ZBBX: variants seen among roughly 807,000 people sequenced by gnomAD.
ZBBX encodes zinc finger B-box domain containing.
In ZBBX, 101 loss-of-function variants were observed where a neutral mutation model predicts 108.5. The ratio of observed to expected loss-of-function variants is 0.93; its 90% CI spans 0.79 to 1.10. The LOEUF (loss-of-function observed/expected upper bound fraction) is 1.10, where lower values mean the gene tolerates loss of function less well. Ranked by LOEUF, ZBBX falls within the 50% of genes least tolerant of loss-of-function variation. The pLI is 0.00. For synonymous variants in ZBBX, 356 were observed against 323.4 expected (o/e 1.10, Z -1.08); for missense variants, 1,009 against 941.4 (o/e 1.07, Z -0.94).
chr3:167,295,242 CAT>C (rs1291933697), intron 18 of ZBBX, among the ~76,000 whole-genome samples: 14 of 152,122 alleles, frequency 9.2e-5, no homozygotes, highest in Non-Finnish European at 1.0e-4. Context: ...CACATGCACA[CAT>C]ATGTTTATTG....
chr3:167,406,820 C>A (rs191311243), intron 1 of ZBBX, among the ~76,000 whole-genome samples: 43 of 152,224 alleles, frequency 2.8e-4, no homozygotes, highest in African/African-American at 1.0e-3. Context: ...GAGCCAAATC[C>A]TAATTCTATT....
chr3:167,188,799 C>T, the ZBBX span, among the ~76,000 whole-genome samples: 5 of 152,156 alleles, frequency 3.3e-5, no homozygotes, highest in Non-Finnish European at 5.9e-5. Context: ...GAGAGTGTCC[C>T]AGATAAACAA....
intron 20 of ZBBX, among the ~76,000 whole-genome samples, chr3:167,269,763 C>A (rs375998497): frequency 1.3e-5 from 2 of 152,184 alleles, no homozygotes; most frequent in East Asian, 1.9e-4. Context: ...AGCTATCAAC[C>A]AAATAGTACC....
intron 18 of ZBBX, among the ~76,000 whole-genome samples, chr3:167,297,211 G>T (rs754709464): frequency 1.1e-4 from 16 of 151,702 alleles, no homozygotes; most frequent in African/African-American, 1.9e-4. Context: ...TCATTTTTTT[G>T]TGTGTGTGGT....
chr3:167,249,597 G>T (rs889220045), intron 20 of ZBBX, among the ~76,000 whole-genome samples: 1 of 152,136 alleles, frequency 6.6e-6, no homozygotes, highest in Non-Finnish European at 1.5e-5. Flanking sequence ...CCCCTTCTCC[G>T]TATAGGACTT....
At chr3:167,365,129 A>T (rs1745136314) in intron 6 of ZBBX, among the ~76,000 whole-genome samples, 2 of 151,788 alleles carry the variant, frequency 1.3e-5, no homozygotes, top group Admixed American at 6.6e-5. Context: ...TCCCTAAGAT[A>T]GGGAATGACA....
chr3:167,382,498 T>A (rs1747786491), upstream of ZBBX, among the ~76,000 whole-genome samples: 1 of 152,124 alleles, frequency 6.6e-6, no homozygotes. Context: ...GAGACAAGGT[T>A]TGAATACAAG....
At chr3:167,296,323 C>T (rs115871318) in intron 18 of ZBBX, among the ~76,000 whole-genome samples, 1,742 of 152,100 alleles carry the variant, frequency 0.011, 31 homozygotes, top group African/African-American at 0.04. Flanking sequence ...TAGAACATTT[C>T]TAAGATCTAG....
rs1040400221 is a variant in ZBBX, at chr3:167,327,850, G to C, written c.862+92C>G. The C allele has an allele frequency of 1.6e-5, 20 of 1,247,812 alleles. No individual in the cohort carries two copies. In the Admixed American group the frequency reaches 4.3e-4, roughly 27 times the overall value. 77.3% of individuals were successfully genotyped at this position (1,247,812 alleles called of 1,614,324 possible). A position where few individuals can be genotyped will look rare whatever the true frequency, so the allele number is the denominator to read the frequency against. On this transcript the variant is annotated intron_variant, in intron 11 of 21. Transcript: ENST00000675490. Reference sequence around the variant, plus strand: ...AATTACTTGAACCCGGAAGGTGGAGGTTGCAGTAAGCCAAGATCACGCCGC... The same window carrying C: ...AATTACTTGAACCCGGAAGGTGGAGCTTGCAGTAAGCCAAGATCACGCCGC...
chr3:167,227,790 A>G, the ZBBX span, among the ~76,000 whole-genome samples: 2 of 151,694 alleles, frequency 1.3e-5, no homozygotes, highest in African/African-American at 4.8e-5. Flanking sequence ...GTATCCCATT[A>G]TTTCTGAGCC....
At chr3:167,276,368 A>G (rs1045825511) in intron 20 of ZBBX, among the ~76,000 whole-genome samples, 34 of 152,202 alleles carry the variant, frequency 2.2e-4, no homozygotes, top group African/African-American at 8.2e-4. Flanking sequence ...ATGTATAACT[A>G]GAATAACCAA....
the ZBBX span, among the ~76,000 whole-genome samples, chr3:167,187,127 T>A: frequency 6.6e-6 from 1 of 152,172 alleles, no homozygotes; most frequent in Non-Finnish European, 1.5e-5. Flanking sequence ...AGCTTTATTT[T>A]GTTCGGTTTT....
At chr3:167,184,558 G>T in the ZBBX span, among the ~76,000 whole-genome samples, 5 of 152,010 alleles carry the variant, frequency 3.3e-5, no homozygotes, top group East Asian at 9.6e-4. Flanking sequence ...ATATATAATG[G>T]ATGGGCTCAA....
the ZBBX span, among the ~76,000 whole-genome samples, chr3:167,208,153 G>T: frequency 5.9e-5 from 9 of 152,300 alleles, no homozygotes; most frequent in South Asian, 1.7e-3. Flanking sequence ...CATCCCAGTG[G>T]TTGAAACTTA....
At chr3:167,360,180 T>C (rs1326437014) in intron 7 of ZBBX, among the ~76,000 whole-genome samples, 1 of 148,558 alleles carries the variant, frequency 6.7e-6, no homozygotes, top group East Asian at 1.9e-4. Flanking sequence ...TTCTGAATTT[T>C]TTCTACCAAA....
At chr3:167,304,503 G>A (rs1576944899) in intron 17 of ZBBX, among the ~76,000 whole-genome samples, 2 of 152,126 alleles carry the variant, frequency 1.3e-5, no homozygotes, top group African/African-American at 4.8e-5. Context: ...GGGATAAGGT[G>A]TAAGCATGTC....
rs1171064535 is a variant in ZBBX, at chr3:167,298,178, G to A, written c.1879+127C>T. The A allele has an allele frequency of 4.8e-6, 3 of 623,786 alleles. No homozygotes were observed. The African/African-American group carries it at 5.8e-5, about 12-fold the overall frequency. The allele number at this position is 623,786 out of a possible 1,614,324, so 38.6% of individuals were successfully genotyped here. The stretch of plus-strand genomic sequence containing the variant: ...ATAGTAACCTTAAATGTAAATATAT[G>A]GCAACTAATACAAGGTTAATAATTT... On this transcript the variant is annotated intron_variant, in intron 18 of 21. Transcript: ENST00000675490.
Position 167,318,579 on chromosome 3 carries a change from A to G in ZBBX, c.984-982T>C, listed in dbSNP as rs115407898. Among the ~76,000 whole-genome samples the G allele has an allele frequency of 2.8e-3, 428 of 152,076 alleles. 1 individual carries two copies. Among genetic ancestry groups the G allele is most frequent in the Middle Eastern group, 0.01 (3 of 294 alleles). On this transcript the variant is annotated intron_variant, in intron 12 of 21. Coordinates refer to ENST00000675490, the MANE Select transcript of ZBBX (RefSeq NM_001199201.2). ...TGTAATGCCTCTTCTGCAACTTTCA[A>G]AGGCATTAAAATTTTGATAAAATTG... is the stretch of plus-strand genomic sequence containing the variant.
At chr3:167,360,014 T>A in intron 7 of ZBBX, 35 bp from the exon 8 acceptor site, 2 of 1,244,874 alleles carry the variant, frequency 1.6e-6, no homozygotes, top group Non-Finnish European at 2.2e-6. Context: ...TCCAATCATT[T>A]AAAAATATGT....
Sources: gnomAD v4.1 joint callset for allele counts (sites outside exome capture counted in the v4.1 genomes callset) on GRCh38, gnomAD v4.1.1 for gene constraint, MANE v1.5 for transcripts, NCBI Gene and HGNC (gene_info 2026-07-23, HGNC 2026-07-21) for gene names.